The following CAP1 variants were observed in gnomAD, a reference collection of about 807,000 sequenced individuals.
CAP1 encodes adenylyl cyclase-associated protein 1.
A neutral mutation model predicts 58.2 loss-of-function variants in CAP1; 11 were observed. That is an observed-to-expected ratio of 0.19 (90% CI 0.12 to 0.31). The LOEUF is 0.31. CAP1 is among the 10% of genes least tolerant of loss of function. CAP1 has a pLI of 1.00. For missense variants in CAP1, 423 were observed against 587.5 expected, an observed-to-expected ratio of 0.72 and a Z score of 2.89; for synonymous variants, 183 against 213.8, an observed-to-expected ratio of 0.86 and a Z score of 1.26.
At position 40,071,109 on chromosome 1, in the gene CAP1, A is replaced by C. The variant is rs950973792; in HGVS notation, c.1344+130A>C. 3 of 872,220 alleles carry C rather than the reference A, an allele frequency of 3.4e-6. No individual in the cohort carries two copies. The African/African-American group carries it at 5.0e-5, about 15-fold the overall frequency. 54.0% of individuals were successfully genotyped at this position (872,220 alleles called of 1,614,324 possible). ...AAACCCAATAATGCACACCAAAAGT[A>C]CACAGAAATGAGGTAGTCCCATGTA... On this transcript the variant is annotated intron_variant, in intron 12 of 12. Transcript: ENST00000372805.
At chr1:40,057,620 T>A (rs1646674251) in intron 1 of CAP1, 1 of 152,150 alleles carries the variant, frequency 6.6e-6, no homozygotes. Flanking sequence ...CTATATTGTC[T>A]TCCTTACTTT....
chr1:40,064,209 T>C lies in CAP1; in HGVS notation c.295-18T>C. ...TGGAAAGATGTTAACCTGAATCTTT[T>C]CTTGTATCTTTTCCTAGAATAAGCT... On this transcript the variant is annotated intron_variant, in intron 4 of 12. Transcript: ENST00000372805. 6.2e-7 allele frequency: 1 copy of C among 1,613,276 alleles called. No homozygotes were observed. Among genetic ancestry groups the C allele is most frequent in the Non-Finnish European group, 8.5e-7 (1 of 1,179,440 alleles).
At chr1:40,041,841 A>G (rs912199501) in intron 1 of CAP1, among the ~76,000 whole-genome samples, 4 of 152,194 alleles carry the variant, frequency 2.6e-5, no homozygotes, top group Non-Finnish European at 4.4e-5. Flanking sequence ...GGTTCAGGAA[A>G]AGCCCTTCTG....
chr1:40,057,561 T>C (rs17356381), intron 1 of CAP1: 3,359 of 152,266 alleles, frequency 0.022, 54 homozygotes, highest in Middle Eastern at 0.037. Context: ...CTCTGACAAG[T>C]GATTGGGCCC....
At chr1:40,062,629 G>A (rs1164424324) in intron 4 of CAP1, among the ~76,000 whole-genome samples, 1 of 152,006 alleles carries the variant, frequency 6.6e-6, no homozygotes, top group Admixed American at 6.6e-5. Flanking sequence ...GCCAGGCAAG[G>A]TGGTGCATGC....
intron 12 of CAP1, 110 bp downstream of exon 12, chr1:40,071,089 C>A: frequency 1.0e-6 from 1 of 965,546 alleles, no homozygotes; most frequent in Non-Finnish European, 1.5e-6. Flanking sequence ...GGTAAAAACC[C>A]AATAATGCAC....
Position 40,068,579 on chromosome 1 carries a change from C to G in CAP1, c.808+862C>G, listed in dbSNP as rs1361992708. Among the ~76,000 whole-genome samples the G allele has an allele frequency of 2.6e-5, 4 of 151,512 alleles. No homozygotes were observed. In the South Asian group the frequency reaches 6.3e-4, roughly 24 times the overall value. On this transcript the variant is annotated intron_variant, in intron 8 of 12. Coordinates refer to ENST00000372805, the MANE Select transcript of CAP1 (RefSeq NM_006367.4). Reference sequence around the variant, plus strand: ...AGGTGTGAGCCACCACGCCCGGCCTCTTGATGAAATGTTGTGCCACCATTA... The same window carrying G: ...AGGTGTGAGCCACCACGCCCGGCCTGTTGATGAAATGTTGTGCCACCATTA...
At position 40,071,638 on chromosome 1, in the gene CAP1, C is replaced by T. The variant is rs1260393347; in HGVS notation, c.*105C>T. On this transcript the variant is annotated 3_prime_UTR_variant, in exon 13 of 13. Transcript: ENST00000372805. ...CTCTACCTTTTTGCTCTTAAAACTGCTTCTCTGCTCTGAGAAGCACAGCTA... is the reference window on the plus strand; with the variant it reads ...CTCTACCTTTTTGCTCTTAAAACTGTTTCTCTGCTCTGAGAAGCACAGCTA... The T allele has an allele frequency of 5.5e-6, 4 of 725,514 alleles. No homozygotes were observed. The East Asian group carries it at 1.1e-4, about 20-fold the overall frequency. The allele number at this position is 725,514 out of a possible 1,614,324, so 44.9% of individuals were successfully genotyped here.
At chr1:40,042,327 C>T (rs1570321513) in intron 1 of CAP1, among the ~76,000 whole-genome samples, 2 of 152,308 alleles carry the variant, frequency 1.3e-5, no homozygotes, top group East Asian at 1.9e-4. Flanking sequence ...TAGTGCATAG[C>T]ACAGGGCTAC....
At position 40,067,670 on chromosome 1, in the gene CAP1, G is replaced by A. The variant is rs575446557; in HGVS notation, c.761G>A (p.Arg254His). 2.4e-5 allele frequency: 39 copies of A among 1,595,882 alleles called. No individual in the cohort carries two copies. Among genetic ancestry groups the A allele is most frequent in the South Asian group, 2.2e-4 (20 of 89,788 alleles). ...TCATGCTCATATGAGTCTGCTTCCC[G>A]CTCATCACTGTTCGCGCAGATTAAT... is the stretch of plus-strand genomic sequence containing the variant. ...TISCSYESAS[R>H]SSLFAQINQG... The change falls in exon 8 of 13, where the codon CGC becomes CAC. Residue 254 changes from arginine (R) to histidine (H), a missense_variant. Physicochemically the swap from Arg to His is conservative, Grantham distance 29. Transcript: ENST00000372805.
intron 8 of CAP1, among the ~76,000 whole-genome samples, chr1:40,068,790 C>T (rs961758278): frequency 1.3e-5 from 2 of 151,848 alleles, no homozygotes; most frequent in Non-Finnish European, 2.9e-5. Context: ...ATTATTTTTC[C>T]CTTAAAACAT....
intron 1 of CAP1, among the ~76,000 whole-genome samples, chr1:40,057,066 A>T (rs1255933544): frequency 3.3e-5 from 5 of 152,368 alleles, no homozygotes; most frequent in Non-Finnish European, 7.3e-5. Context: ...AAATATGGAA[A>T]AAGGGAGCCA....
At chr1:40,068,812 A>G (rs553896589) in intron 8 of CAP1, among the ~76,000 whole-genome samples, 1 of 146,044 alleles carries the variant, frequency 6.8e-6, no homozygotes, top group African/African-American at 2.5e-5. Context: ...AAAGAAATAT[A>G]TTTTTACTTT....
intron 1 of CAP1, among the ~76,000 whole-genome samples, chr1:40,050,205 G>A (rs976706846): frequency 3.3e-5 from 5 of 151,892 alleles, no homozygotes; most frequent in African/African-American, 7.3e-5. Flanking sequence ...CCAGTGAGTC[G>A]ATAGAAGGTA....
intron 1 of CAP1, among the ~76,000 whole-genome samples, chr1:40,058,775 GAT>G (rs1646722350): frequency 6.6e-6 from 1 of 152,032 alleles, no homozygotes; most frequent in Admixed American, 6.6e-5. Flanking sequence ...CTTGGTTTGG[GAT>G]ATTTCACATG....
intron 1 of CAP1, among the ~76,000 whole-genome samples, chr1:40,056,658 T>C (rs1646629795): frequency 6.6e-6 from 1 of 152,052 alleles, no homozygotes; most frequent in African/African-American, 2.4e-5. Context: ...GCTCTGGTAG[T>C]CTTTAGTCTA....
At position 40,070,297 on chromosome 1, in the gene CAP1, C is replaced by T; in HGVS notation, c.1117+15C>T. 6.2e-7 allele frequency: 1 copy of T among 1,614,054 alleles called. No individual in the cohort carries two copies. Among genetic ancestry groups the T allele is most frequent in the Non-Finnish European group, 8.5e-7 (1 of 1,179,928 alleles). On this transcript the variant is annotated intron_variant, in intron 10 of 12. Transcript: ENST00000372805. ...CATTACAGTAGGTGAGTCTTTGTCG[C>T]TGTCCCACGCAAGCCCCGTCCCAGA... is the stretch of plus-strand genomic sequence containing the variant.
intron 3 of CAP1, among the ~76,000 whole-genome samples, 176 bp from the exon 4 acceptor site, chr1:40,061,559 G>A (rs1178043109): frequency 6.6e-6 from 1 of 152,164 alleles, no homozygotes; most frequent in African/African-American, 2.4e-5. Context: ...GTTCCAATAG[G>A]AACAGTAGTG....
intron 1 of CAP1, among the ~76,000 whole-genome samples, chr1:40,050,783 T>C (rs1272535100): frequency 6.6e-6 from 1 of 152,246 alleles, no homozygotes; most frequent in Non-Finnish European, 1.5e-5. Context: ...CATCCCATTC[T>C]GTTTATCAGA....
Sources: gnomAD v4.1 joint callset for allele counts (sites outside exome capture counted in the v4.1 genomes callset) on GRCh38, gnomAD v4.1.1 for gene constraint, MANE v1.5 for transcripts, NCBI Gene and HGNC (gene_info 2026-07-23, HGNC 2026-07-21) for gene names.